RASGRP1: variants seen among roughly 807,000 people sequenced by gnomAD.
RASGRP1 encodes RAS guanyl-releasing protein 1.
RASGRP1 carries 37 observed loss-of-function variants against 95.1 expected under a neutral mutation model. The ratio of observed to expected loss-of-function variants is 0.39; its 90% CI spans 0.30 to 0.51. The LOEUF (loss-of-function observed/expected upper bound fraction) is 0.51, where lower values mean the gene tolerates loss of function less well. Among genes scored for constraint, RASGRP1 ranks in the 20% least tolerant of loss-of-function variants. RASGRP1 has a pLI of 0.80. For synonymous variants in RASGRP1, 325 were observed against 353.4 expected, an observed-to-expected ratio of 0.92 and a Z score of 0.90; for missense variants, 711 against 965.4, an observed-to-expected ratio of 0.74 and a Z score of 3.49.
At chr15:38,564,478 C>T (rs1259448633) in intron 1 of RASGRP1, 116 bp downstream of exon 1, 3 of 1,065,258 alleles carry the variant, frequency 2.8e-6, no homozygotes, top group South Asian at 4.3e-5. Flanking sequence ...GGACTCCGGC[C>T]GACCCCGGCC....
rs773884209 is a variant in RASGRP1 at position 38,512,775 on chromosome 15, T to C, written c.849+8A>G. ...GCCCAAGCCAAATGTCTTAAACCAG[T>C]TATTCACCTGAGCCACCTGGATGAA... On this transcript the variant is annotated splice_region_variant and intron_variant, in intron 7 of 16. Coordinates refer to ENST00000310803, the MANE Select transcript of RASGRP1 (RefSeq NM_005739.4). 21 of 1,613,398 alleles carry C rather than the reference T, an allele frequency of 1.3e-5. No individual in the cohort carries two copies. Among genetic ancestry groups the C allele is most frequent in the Non-Finnish European group, 1.8e-5 (21 of 1,179,632 alleles).
intron 5 of RASGRP1, among the ~76,000 whole-genome samples, chr15:38,517,566 C>T (rs540093187): frequency 9.9e-5 from 15 of 152,120 alleles, no homozygotes; most frequent in Non-Finnish European, 1.5e-4. Flanking sequence ...CTAGCTGGAC[C>T]CTAGATGAGT....
intron 2 of RASGRP1, among the ~76,000 whole-genome samples, chr15:38,551,591 G>C (rs527883629): frequency 6.6e-6 from 1 of 152,080 alleles, no homozygotes; most frequent in Non-Finnish European, 1.5e-5. Flanking sequence ...CTTTGGAATA[G>C]GGATTTTTTT....
At chr15:38,560,699 T>C (rs989158586) in intron 1 of RASGRP1, among the ~76,000 whole-genome samples, 1 of 152,214 alleles carries the variant, frequency 6.6e-6, no homozygotes, top group Non-Finnish European at 1.5e-5. Context: ...TTTTTCATGG[T>C]TGATAATACA....
chr15:38,551,133 T>C (rs1019125903), intron 2 of RASGRP1, among the ~76,000 whole-genome samples: 27 of 152,326 alleles, frequency 1.8e-4, no homozygotes, highest in African/African-American at 5.3e-4. Flanking sequence ...ACAAAGTCTA[T>C]GTAAGAACAA....
rs148814899 is a variant in RASGRP1, at chr15:38,516,065, G to C, written c.675+132C>G. On this transcript the variant is annotated intron_variant, in intron 6 of 16. Coordinates refer to ENST00000310803, the MANE Select transcript of RASGRP1 (RefSeq NM_005739.4). ...TGGTACTGATTTTTTCAGACTCTAT[G>C]ATGTCTGGCAGGAAAGCCTGCCACG... The C allele has an allele frequency of 7.7e-5, 80 of 1,041,858 alleles. No individual in the cohort carries two copies. In the East Asian group the frequency reaches 1.8e-3, roughly 24 times the overall value. 64.5% of individuals were successfully genotyped at this position (1,041,858 alleles called of 1,614,324 possible). A position where few individuals can be genotyped will look rare whatever the true frequency, so the allele number is the denominator to read the frequency against.
intron 6 of RASGRP1, among the ~76,000 whole-genome samples, chr15:38,513,386 T>A (rs925674487): frequency 1.3e-5 from 2 of 152,226 alleles, no homozygotes; most frequent in African/African-American, 4.8e-5. Flanking sequence ...CTTAAAAATG[T>A]GATCATAAAA....
chr15:38,555,338 C>A lies in RASGRP1; in HGVS notation c.220+4483G>T, dbSNP rs193198996. On this transcript the variant is annotated intron_variant, in intron 2 of 16. Coordinates refer to ENST00000310803, the MANE Select transcript of RASGRP1 (RefSeq NM_005739.4). The stretch of plus-strand genomic sequence containing the variant: ...TCACACTTTGCTCAATAGAGAATAT[C>A]AGGCAGACACCTGGTATATAGATTG... Among the ~76,000 whole-genome samples the A allele has an allele frequency of 1.2e-3, 178 of 152,346 alleles. 1 individual carries two copies. The highest frequency in any genetic ancestry group is 3.8e-3 in the African/African-American group (160 of 41,570).
At chr15:38,524,580 CAGG>C (rs895844275) in intron 3 of RASGRP1, 2 of 152,240 alleles carry the variant, frequency 1.3e-5, no homozygotes, top group African/African-American at 4.8e-5. Context: ...GCTTTGCAAT[CAGG>C]AGGTTACTGG....
At chr15:38,547,664 A>T (rs929177659) in intron 2 of RASGRP1, among the ~76,000 whole-genome samples, 61 of 152,202 alleles carry the variant, frequency 4.0e-4, no homozygotes, top group African/African-American at 1.4e-3. Context: ...AACCACCTTT[A>T]AAATTTTTTA....
intron 2 of RASGRP1, among the ~76,000 whole-genome samples, chr15:38,531,329 T>C (rs1892428550): frequency 6.6e-6 from 1 of 152,150 alleles, no homozygotes; most frequent in Non-Finnish European, 1.5e-5. Context: ...TGAATCACCA[T>C]TCGTCAGGAT....
intron 10 of RASGRP1, 98 bp downstream of exon 10, chr15:38,505,742 T>A: frequency 1.0e-6 from 1 of 968,276 alleles, no homozygotes; most frequent in Admixed American, 2.0e-5. Context: ...AGTACATGTA[T>A]TAAACTGAAC....
At chr15:38,515,929 G>GA (rs149918946) in intron 6 of RASGRP1, among the ~76,000 whole-genome samples, 14 of 149,618 alleles carry the variant, frequency 9.4e-5, no homozygotes, top group African/African-American at 3.4e-4. Flanking sequence ...GTGTGTGTGT[G>GA]ATGTGTGCCC....
Position 38,511,653 on chromosome 15 carries a change from A to T in RASGRP1, c.917T>A (p.Ile306Asn). ...CGAACTTGTCTCCTTGAGCCTCGAG[A>T]TTGAGCTGTGACACAGCCCACCTAT... ...AVIGGLCHSS[I>N]SRLKETSSHV... Residue 306 changes from isoleucine (I) to asparagine (N), a missense_variant, in exon 8 of 17, where the codon ATC becomes AAC. Coordinates refer to ENST00000310803, the MANE Select transcript of RASGRP1 (RefSeq NM_005739.4). 6.2e-7 allele frequency: 1 copy of T among 1,613,606 alleles called. No individual in the cohort carries two copies. The highest frequency in any genetic ancestry group is 8.5e-7 in the Non-Finnish European group (1 of 1,179,640).
intron 2 of RASGRP1, among the ~76,000 whole-genome samples, chr15:38,528,602 C>G (rs1447737414): frequency 6.6e-6 from 1 of 152,164 alleles, no homozygotes; most frequent in Non-Finnish European, 1.5e-5. Flanking sequence ...CTTCTGTCTC[C>G]TCTTTTTCTG....
chr15:38,500,200 G>A (rs1890957942), intron 13 of RASGRP1, 61 bp from the exon 14 acceptor site: 1 of 1,552,560 alleles, frequency 6.4e-7, no homozygotes, highest in Non-Finnish European at 8.9e-7. Context: ...GAGGCTACAA[G>A]GTGACATTCC....
chr15:38,512,952 G>C lies in RASGRP1; in HGVS notation c.680C>G (p.Ser227Cys), dbSNP rs1891597378. ...EFKSFRRISF[S>C]DYQNYLVNSC... ...ATTTACAAGGTAATTCTGATAATCA[G>C]AGAACTGCAGGAAAAGAAACAACAA... The change falls in exon 7 of 17, where the codon TCT becomes TGT. Residue 227 changes from serine (S) to cysteine (C), a missense_variant. This residue lies in a region of RASGRP1 where 491 missense variants were observed against 676.6 expected (regional missense o/e 0.73). Coordinates refer to ENST00000310803, the MANE Select transcript of RASGRP1 (RefSeq NM_005739.4). The C allele has an allele frequency of 6.5e-7, 1 of 1,530,572 alleles. No individual in the cohort carries two copies. The highest frequency in any genetic ancestry group is 8.8e-7 in the Non-Finnish European group (1 of 1,142,638). The allele number at this position is 1,530,572 out of a possible 1,614,324, so 94.8% of individuals were successfully genotyped here.
chr15:38,541,946 G>C (rs1041479768), intron 2 of RASGRP1, among the ~76,000 whole-genome samples: 1 of 152,168 alleles, frequency 6.6e-6, no homozygotes, highest in African/African-American at 2.4e-5. Context: ...ATTTGAGATG[G>C]ACCTTGAAGG....
At chr15:38,493,056 A>AT (rs1410718962) in intron 16 of RASGRP1, among the ~76,000 whole-genome samples, 1 of 148,510 alleles carries the variant, frequency 6.7e-6, no homozygotes, top group Non-Finnish European at 1.5e-5. Flanking sequence ...AATTTTTTAT[A>AT]TTTTTAGTAG....
Sources: allele counts gnomAD v4.1 joint callset (sites outside exome capture counted in the v4.1 genomes callset), GRCh38; gene constraint gnomAD v4.1.1; regional missense constraint gnomAD v4.1.1; transcripts MANE v1.5; gene names NCBI Gene and HGNC (gene_info 2026-07-23, HGNC 2026-07-21).